The following DPP10 variants were observed in gnomAD, a reference collection of about 807,000 sequenced individuals.
DPP10 encodes the protein inactive dipeptidyl peptidase 10.
DPP10 carries 33 observed loss-of-function variants against 120.9 expected under a neutral mutation model. That is an observed-to-expected ratio of 0.27 (90% CI 0.21 to 0.37). The LOEUF (loss-of-function observed/expected upper bound fraction) is 0.37, where lower values mean the gene tolerates loss of function less well. Ranked by LOEUF, DPP10 falls within the 10% of genes least tolerant of loss-of-function variation. The pLI is 1.00. For missense variants in DPP10, 816 were observed against 942.8 expected (o/e 0.87, Z 1.76); for synonymous variants, 337 against 326.1 (o/e 1.03, Z -0.36).
intron 1 of DPP10, among the ~76,000 whole-genome samples, chr2:114,705,125 G>A (rs1700610738): frequency 6.6e-6 from 1 of 152,150 alleles, no homozygotes; most frequent in Non-Finnish European, 1.5e-5. Flanking sequence ...AGAACAAGGG[G>A]CCATGGTCAA....
intron 1 of DPP10, among the ~76,000 whole-genome samples, chr2:114,715,964 G>A (rs111467250): frequency 4.6e-5 from 7 of 151,862 alleles, no homozygotes; most frequent in South Asian, 2.1e-4. Context: ...AATAAGTGGT[G>A]TCAATACCTG....
At chr2:115,765,159 G>A (rs1406358518) in intron 12 of DPP10, among the ~76,000 whole-genome samples, 2 of 152,084 alleles carry the variant, frequency 1.3e-5, no homozygotes, top group Admixed American at 1.3e-4. Flanking sequence ...AGTCCAGCAA[G>A]GCATATGAGA....
intron 5 of DPP10, chr2:115,580,370 T>C (rs2081942831): frequency 1.3e-5 from 2 of 152,228 alleles, no homozygotes; most frequent in Admixed American, 1.3e-4. Context: ...CATCATATCA[T>C]TTAATTTCCA....
At chr2:114,586,998 T>C (rs1167759970) in intron 1 of DPP10, among the ~76,000 whole-genome samples, 3 of 152,120 alleles carry the variant, frequency 2.0e-5, no homozygotes, top group African/African-American at 4.8e-5. Flanking sequence ...CTCTTTTCTT[T>C]ATAAATTATA....
chr2:114,465,887 A>G (rs1483999531), intron 1 of DPP10, among the ~76,000 whole-genome samples: 1 of 152,166 alleles, frequency 6.6e-6, no homozygotes, highest in Non-Finnish European at 1.5e-5. Context: ...AAAACATACA[A>G]GAAATGTTGT....
chr2:114,492,394 T>C (rs1682083564), intron 1 of DPP10, among the ~76,000 whole-genome samples: 1 of 152,156 alleles, frequency 6.6e-6, no homozygotes, highest in Non-Finnish European at 1.5e-5. Flanking sequence ...CAAACTATCT[T>C]AATTTTCTTT....
chr2:115,500,455 T>C (rs1032696700), intron 4 of DPP10, among the ~76,000 whole-genome samples: 1 of 152,038 alleles, frequency 6.6e-6, no homozygotes, highest in Non-Finnish European at 1.5e-5. Context: ...GTATTCTACT[T>C]GTACATTTAA....
intron 5 of DPP10, among the ~76,000 whole-genome samples, chr2:115,530,586 G>T (rs1202055806): frequency 6.6e-6 from 1 of 151,906 alleles, no homozygotes; most frequent in Non-Finnish European, 1.5e-5. Flanking sequence ...GGAGGCTGAG[G>T]AGGAGAATCA....
chr2:115,176,754 C>A (rs193206442), intron 1 of DPP10, among the ~76,000 whole-genome samples: 6 of 152,228 alleles, frequency 3.9e-5, no homozygotes, highest in Admixed American at 3.3e-4. Context: ...AGAGAGGGAA[C>A]CTCTTTGGTT....
rs145318203 is a variant in DPP10 at position 115,201,126 on chromosome 2, C to T, written c.61-108113C>T. 8.3e-3 allele frequency among the ~76,000 whole-genome samples: 1,258 copies of T among 152,198 alleles called. 28 individuals are homozygous for T. The highest frequency in any genetic ancestry group is 6.4e-3 in the Non-Finnish European group (438 of 68,016). On this transcript the variant is annotated intron_variant, in intron 1 of 25. Coordinates refer to ENST00000410059, the MANE Select transcript of DPP10 (RefSeq NM_020868.6). Reference sequence around the variant, plus strand: ...TTAGAAAAACAAGCTACTCTGAAAGCGTATCTTTGGTCAACACAGCCAAAC... The same window carrying T: ...TTAGAAAAACAAGCTACTCTGAAAGTGTATCTTTGGTCAACACAGCCAAAC...
At chr2:115,678,118 G>A (rs993083081) in intron 5 of DPP10, among the ~76,000 whole-genome samples, 1 of 152,174 alleles carries the variant, frequency 6.6e-6, no homozygotes, top group Non-Finnish European at 1.5e-5. Context: ...TGATGCAATA[G>A]AAAAGAAAAA....
At chr2:115,812,963 C>CAT (rs1276722156) in intron 19 of DPP10, among the ~76,000 whole-genome samples, 2 of 72,782 alleles carry the variant, frequency 2.7e-5, no homozygotes, top group Admixed American at 2.1e-4. Context: ...GACTGGATAT[C>CAT]TTTTTTTTTT....
chr2:114,755,822 AT>A (rs920494710), intron 1 of DPP10, among the ~76,000 whole-genome samples: 1 of 151,614 alleles, frequency 6.6e-6, no homozygotes, highest in Non-Finnish European at 1.5e-5. Flanking sequence ...CATGATAATT[AT>A]TTTTTTCCTC....
chr2:114,614,676 C>T (rs1037491472), intron 1 of DPP10, among the ~76,000 whole-genome samples: 5 of 152,232 alleles, frequency 3.3e-5, no homozygotes, highest in South Asian at 2.1e-4. Context: ...TACGCAATTT[C>T]GGGATACTCC....
At chr2:115,061,824 T>A (rs13399177) in intron 1 of DPP10, among the ~76,000 whole-genome samples, 1 of 152,154 alleles carries the variant, frequency 6.6e-6, no homozygotes, top group African/African-American at 2.4e-5. Flanking sequence ...GAGCACAGCA[T>A]GTTGAAGAAG....
At chr2:115,381,015 C>G (rs969031651) in intron 3 of DPP10, among the ~76,000 whole-genome samples, 2 of 152,154 alleles carry the variant, frequency 1.3e-5, no homozygotes, top group African/African-American at 2.4e-5. Context: ...TTTGGTGAAT[C>G]TGACAATTAT....
intron 1 of DPP10, among the ~76,000 whole-genome samples, chr2:114,763,985 C>G (rs1436970391): frequency 1.3e-5 from 2 of 152,144 alleles, no homozygotes; most frequent in Non-Finnish European, 2.9e-5. Flanking sequence ...AGACCTGGCT[C>G]TTTTGCAGAA....
chr2:115,181,697 C>T (rs2054089951), intron 1 of DPP10, among the ~76,000 whole-genome samples: 1 of 152,094 alleles, frequency 6.6e-6, no homozygotes, highest in African/African-American at 2.4e-5. Context: ...GACACAGGAG[C>T]AGCCCAAATA....
At chr2:115,720,848 A>G (rs1267198920) in intron 7 of DPP10, among the ~76,000 whole-genome samples, 2 of 152,212 alleles carry the variant, frequency 1.3e-5, no homozygotes, top group Non-Finnish European at 2.9e-5. Context: ...ATAAAACAAA[A>G]GGTCTAAGGT....
Sources: gnomAD v4.1 joint callset for allele counts (sites outside exome capture counted in the v4.1 genomes callset) on GRCh38, gnomAD v4.1.1 for gene constraint, MANE v1.5 for transcripts, NCBI Gene and HGNC (gene_info 2026-07-23, HGNC 2026-07-21) for gene names.